The following GNAO1 variants were observed in gnomAD, a reference collection of about 807,000 sequenced individuals.
GNAO1 encodes guanine nucleotide-binding protein G(o) subunit alpha.
For synonymous variants in GNAO1, 164 were observed against 180.7 expected (o/e 0.91, Z 0.74); for missense variants, 166 against 478.7 (o/e 0.35, Z 6.10).
At chr16:56,294,938 T>C (rs537236811) in intron 3 of GNAO1, among the ~76,000 whole-genome samples, 10 of 152,234 alleles carry the variant, frequency 6.6e-5, no homozygotes, top group Non-Finnish European at 1.3e-4. Context: ...TCAGGTCTTT[T>C]ATTCTTCCCT....
chr16:56,318,235 G>C (rs534736914), intron 3 of GNAO1, among the ~76,000 whole-genome samples: 102 of 152,334 alleles, frequency 6.7e-4, no homozygotes, highest in African/African-American at 2.2e-3. Context: ...CGGAGAGAAC[G>C]TGACGGTGTT....
At chr16:56,302,891 A>C (rs1238666691) in intron 3 of GNAO1, 2 of 152,268 alleles carry the variant, frequency 1.3e-5, no homozygotes, top group African/African-American at 4.8e-5. Context: ...TTTATAATTA[A>C]TTGAGCAAAT....
intron 3 of GNAO1, among the ~76,000 whole-genome samples, chr16:56,306,004 G>T (rs2037392267): frequency 6.6e-6 from 1 of 152,308 alleles, no homozygotes; most frequent in East Asian, 1.9e-4. Context: ...CAACCTGTGA[G>T]TTTTGGGGGA....
At chr16:56,300,041 G>A (rs921315432) in intron 3 of GNAO1, among the ~76,000 whole-genome samples, 10 of 88,582 alleles carry the variant, frequency 1.1e-4, no homozygotes, top group East Asian at 6.1e-4. Context: ...GTGTGTGCGC[G>A]CGCGCGCGCG....
At chr16:56,222,232 G>A (rs1367827948) in intron 2 of GNAO1, among the ~76,000 whole-genome samples, 1 of 146,846 alleles carries the variant, frequency 6.8e-6, no homozygotes, top group African/African-American at 2.6e-5. Flanking sequence ...GTCAGTGGGA[G>A]GGAGGGAGGG....
chr16:56,236,863 G>C (rs2036642159), intron 2 of GNAO1, among the ~76,000 whole-genome samples: 1 of 152,216 alleles, frequency 6.6e-6, no homozygotes, highest in South Asian at 2.1e-4. Flanking sequence ...ATGGCAGTTA[G>C]AAGTGCTTTA....
chr16:56,235,665 C>CT (rs2036631158), intron 2 of GNAO1, among the ~76,000 whole-genome samples: 1 of 152,188 alleles, frequency 6.6e-6, no homozygotes, highest in African/African-American at 2.4e-5. Flanking sequence ...CCTGGATAAT[C>CT]TGTCAGGACT....
At chr16:56,275,799 A>G in intron 2 of GNAO1, 132 bp from the exon 3 acceptor site, 3 of 592,866 alleles carry the variant, frequency 5.1e-6, no homozygotes, top group Admixed American at 3.8e-5. Context: ...TATGACATTA[A>G]TGTAGCAACT....
chr16:56,235,328 A>G (rs779849987), intron 2 of GNAO1: 3 of 455,982 alleles, frequency 6.6e-6, no homozygotes, highest in East Asian at 6.9e-5. Context: ...TAGACAGAGC[A>G]TGTAGCCCAG....
chr16:56,324,532 G>T (rs1462150835), intron 3 of GNAO1, among the ~76,000 whole-genome samples: 2 of 152,224 alleles, frequency 1.3e-5, no homozygotes, highest in African/African-American at 4.8e-5. Flanking sequence ...TGAGGAGCAG[G>T]ATCGCTGCAG....
intron 3 of GNAO1, among the ~76,000 whole-genome samples, chr16:56,283,806 T>G (rs2037137418): frequency 6.6e-6 from 1 of 152,176 alleles, no homozygotes; most frequent in Non-Finnish European, 1.5e-5. Context: ...GCTCTCCACC[T>G]ACAACAGCCC....
intron 6 of GNAO1, among the ~76,000 whole-genome samples, chr16:56,342,507 C>T (rs868336421): frequency 3.9e-5 from 6 of 152,360 alleles, no homozygotes; most frequent in Middle Eastern, 3.4e-3. Context: ...CTAGAAGCTT[C>T]TCTCCTAGAC....
At chr16:56,208,480 CT>C (rs1219004024) in intron 2 of GNAO1, among the ~76,000 whole-genome samples, 1 of 150,726 alleles carries the variant, frequency 6.6e-6, no homozygotes, top group Non-Finnish European at 1.5e-5. Flanking sequence ...TGTGTGTATT[CT>C]GGGGCACATG....
chr16:56,228,144 C>T (rs1185647674), intron 2 of GNAO1, among the ~76,000 whole-genome samples: 2 of 152,086 alleles, frequency 1.3e-5, no homozygotes, highest in African/African-American at 4.8e-5. Context: ...TTTGCAGAGC[C>T]GAAAAGGGAG....
chr16:56,274,136 C>T (rs2037041335), intron 2 of GNAO1, among the ~76,000 whole-genome samples: 1 of 152,222 alleles, frequency 6.6e-6, no homozygotes, highest in East Asian at 1.9e-4. Context: ...TTCCCTCCTG[C>T]ACTGTGGTCT....
intron 2 of GNAO1, among the ~76,000 whole-genome samples, chr16:56,202,610 C>G (rs1345648642): frequency 6.6e-6 from 1 of 152,170 alleles, no homozygotes; most frequent in Non-Finnish European, 1.5e-5. Context: ...CATGAACGTG[C>G]ATCTCCTTCC....
At chr16:56,288,464 G>A (rs1212064753) in intron 3 of GNAO1, among the ~76,000 whole-genome samples, 1 of 152,226 alleles carries the variant, frequency 6.6e-6, no homozygotes, top group East Asian at 1.9e-4. Flanking sequence ...AGTAAGACCA[G>A]AGCACATACT....
At chr16:56,329,634 C>G (rs2037669719) in intron 4 of GNAO1, among the ~76,000 whole-genome samples, 1 of 152,228 alleles carries the variant, frequency 6.6e-6, no homozygotes, top group African/African-American at 2.4e-5. Flanking sequence ...GCCCCCTTGG[C>G]TTTCGGGAAA....
chr16:56,206,267 C>G (rs1056263442), intron 2 of GNAO1, among the ~76,000 whole-genome samples: 1 of 150,446 alleles, frequency 6.6e-6, no homozygotes, highest in South Asian at 2.1e-4. Flanking sequence ...TTGCAGTGAG[C>G]CGAGATCACG....
Sources: allele counts gnomAD v4.1 joint callset (sites outside exome capture counted in the v4.1 genomes callset), GRCh38; gene constraint gnomAD v4.1.1; transcripts MANE v1.5; gene names NCBI Gene and HGNC (gene_info 2026-07-23, HGNC 2026-07-21).